Variants in MAST4 observed in about 807,000 individuals in gnomAD.
The protein encoded by MAST4 is microtubule associated serine/threonine kinase family member 4, also known as microtubule-associated serine/threonine-protein kinase 4.
A neutral mutation model predicts 162.7 loss-of-function variants in MAST4; 89 were observed. The ratio of observed to expected loss-of-function variants is 0.55; its 90% CI spans 0.46 to 0.65. The LOEUF is 0.65. Among genes scored for constraint, MAST4 ranks in the 30% least tolerant of loss-of-function variants. MAST4 has a pLI of 0.00. For missense variants in MAST4, 3,153 were observed against 3,374.0 expected (o/e 0.93, Z 1.62); for synonymous variants, 1,479 against 1,361.1 (o/e 1.09, Z -1.91).
intron 2 of MAST4, among the ~76,000 whole-genome samples, chr5:66,785,012 G>T (rs34762349): frequency 0.62 from 94,671 of 151,980 alleles, 30,397 homozygotes; most frequent in Non-Finnish European, 0.7. Flanking sequence ...CCAGGAGGCA[G>T]AGGTTGCAGT....
chr5:66,703,786 A>G (rs1250320629), intron 1 of MAST4, among the ~76,000 whole-genome samples: 1 of 152,212 alleles, frequency 6.6e-6, no homozygotes, highest in Non-Finnish European at 1.5e-5. Flanking sequence ...AGGAGATCAA[A>G]TCAGGAGGAA....
intron 3 of MAST4, among the ~76,000 whole-genome samples, chr5:66,822,551 A>C (rs1356489606): frequency 6.6e-6 from 1 of 152,190 alleles, no homozygotes; most frequent in African/African-American, 2.4e-5. Context: ...GGAGGCCCAG[A>C]GACATTTAAG....
chr5:66,801,659 C>A (rs2149697441), intron 3 of MAST4, among the ~76,000 whole-genome samples: 1 of 152,244 alleles, frequency 6.6e-6, no homozygotes, highest in South Asian at 2.1e-4. Context: ...GGCTGCCTGT[C>A]TTTTCTTTTT....
intron 1 of MAST4, among the ~76,000 whole-genome samples, chr5:66,624,121 T>C (rs1744253845): frequency 6.7e-6 from 1 of 149,428 alleles, no homozygotes; most frequent in African/African-American, 2.5e-5. Context: ...TGTTCACAGA[T>C]TGGAAGAATT....
rs1341167736 is a variant in MAST4, at chr5:66,951,595, GAT to G, written c.674+51616_674+51617del. The stretch of plus-strand genomic sequence containing the variant: ...GAGAGGCCATTATTTTGCCTCCCAT[GAT>G]ATGTGTGTGTGTGTGTGTGTGTGTG... On this transcript the variant is annotated intron_variant, in intron 4 of 28. Transcript: ENST00000403625. Among the ~76,000 whole-genome samples, 855 of 125,902 alleles carry G rather than the reference GAT, an allele frequency of 6.8e-3. 4 individuals are homozygous for G. Among genetic ancestry groups the G allele is most frequent in the Non-Finnish European group, 0.011 (630 of 58,826 alleles). The allele number at this position is 125,902 out of a possible 152,430, so 82.6% of individuals were successfully genotyped here.
At chr5:66,909,585 T>C (rs990722570) in intron 4 of MAST4, among the ~76,000 whole-genome samples, 1 of 152,180 alleles carries the variant, frequency 6.6e-6, no homozygotes, top group Non-Finnish European at 1.5e-5. Flanking sequence ...TCAGGGAGTA[T>C]ATATGTTGAT....
At chr5:66,787,058 C>T (rs961519197) in intron 2 of MAST4, among the ~76,000 whole-genome samples, 6 of 152,036 alleles carry the variant, frequency 3.9e-5, no homozygotes, top group Non-Finnish European at 8.8e-5. Flanking sequence ...ATTTTTGTTC[C>T]TTTGTATATA....
chr5:66,671,877 C>G (rs1747632419), intron 1 of MAST4, among the ~76,000 whole-genome samples: 1 of 151,916 alleles, frequency 6.6e-6, no homozygotes, highest in African/African-American at 2.4e-5. Context: ...TGTGGTGAGC[C>G]CGACCAACTT....
At chr5:66,669,362 A>G (rs2007776888) in intron 1 of MAST4, among the ~76,000 whole-genome samples, 1 of 152,200 alleles carries the variant, frequency 6.6e-6, no homozygotes, top group Non-Finnish European at 1.5e-5. Context: ...AGAAGAGATC[A>G]GTGGGTGTAG....
At chr5:67,008,163 G>A (rs141871273) in intron 4 of MAST4, among the ~76,000 whole-genome samples, 203 of 152,298 alleles carry the variant, frequency 1.3e-3, no homozygotes, top group Non-Finnish European at 2.1e-3. Flanking sequence ...TCTCAGTACA[G>A]CCATTCACCT....
intron 1 of MAST4, among the ~76,000 whole-genome samples, chr5:66,747,628 C>T (rs1380288870): frequency 6.6e-6 from 1 of 152,156 alleles, no homozygotes; most frequent in Non-Finnish European, 1.5e-5. Context: ...TTCCTGTTCT[C>T]AAAAGCTTTT....
At chr5:66,598,028 A>G (rs1479786029) in intron 1 of MAST4, among the ~76,000 whole-genome samples, 1 of 152,136 alleles carries the variant, frequency 6.6e-6, no homozygotes, top group East Asian at 1.9e-4. Flanking sequence ...CCAGTGTTGT[A>G]TTTTCCTCAT....
chr5:66,922,528 C>T (rs953682281), intron 4 of MAST4, among the ~76,000 whole-genome samples: 4 of 152,136 alleles, frequency 2.6e-5, no homozygotes, highest in African/African-American at 9.7e-5. Flanking sequence ...TAAATGTCAA[C>T]CTCTTCTCCG....
intron 4 of MAST4, among the ~76,000 whole-genome samples, chr5:67,036,906 A>C (rs1756087647): frequency 6.6e-6 from 1 of 152,120 alleles, no homozygotes; most frequent in Non-Finnish European, 1.5e-5. Context: ...GCTTGACTAC[A>C]TTTTATTCAG....
intron 2 of MAST4, among the ~76,000 whole-genome samples, chr5:66,769,585 G>T (rs776987218): frequency 6.6e-6 from 1 of 152,126 alleles, no homozygotes; most frequent in South Asian, 2.1e-4. Context: ...GCATGTTACT[G>T]TACTGCATAC....
Position 67,125,417 on chromosome 5 carries a change from G to A in MAST4, c.1745+4315G>A, listed in dbSNP as rs567620414. 2.6e-4 allele frequency among the ~76,000 whole-genome samples: 40 copies of A among 151,218 alleles called. 1 individual carries two copies. The highest frequency in any genetic ancestry group is 4.2e-4 in the South Asian group (2 of 4,760). ...TCCCTCCCCTAGCCCCCAACTCCCC[G>A]ACAGGCCCCAGTGTGTGATGTTCCC... On this transcript the variant is annotated intron_variant, in intron 14 of 28. Coordinates refer to ENST00000403625, the MANE Select transcript of MAST4 (RefSeq NM_001164664.2).
chr5:67,025,124 A>G (rs185996741), intron 4 of MAST4, among the ~76,000 whole-genome samples: 199 of 152,266 alleles, frequency 1.3e-3, no homozygotes, highest in African/African-American at 4.6e-3. Flanking sequence ...AGTAAAGCCT[A>G]TGGATGTAAT....
chr5:66,692,045 A>G (rs1400148866), intron 1 of MAST4, among the ~76,000 whole-genome samples: 2 of 152,180 alleles, frequency 1.3e-5, no homozygotes, highest in African/African-American at 4.8e-5. Flanking sequence ...AGTGAAAGTC[A>G]TCTTTTGTTT....
At chr5:66,937,399 T>C (rs1421788287) in intron 4 of MAST4, among the ~76,000 whole-genome samples, 2 of 152,186 alleles carry the variant, frequency 1.3e-5, no homozygotes, top group African/African-American at 4.8e-5. Flanking sequence ...ATATGGCACC[T>C]AGTAGGCATG....
Sources: gnomAD v4.1 joint callset for allele counts (sites outside exome capture counted in the v4.1 genomes callset) on GRCh38, gnomAD v4.1.1 for gene constraint, MANE v1.5 for transcripts, NCBI Gene and HGNC (gene_info 2026-07-23, HGNC 2026-07-21) for gene names.